CADM2: variants seen among roughly 807,000 people sequenced by gnomAD.
The protein encoded by CADM2 is cell adhesion molecule 2.
A neutral mutation model predicts 49.8 loss-of-function variants in CADM2; 12 were observed. That is an observed-to-expected ratio of 0.24 (90% confidence interval 0.15 to 0.39). The LOEUF is 0.39. Among genes scored for constraint, CADM2 ranks in the 10% least tolerant of loss-of-function variants. The pLI is 1.00. For synonymous variants in CADM2, 214 were observed against 175.4 expected, an observed-to-expected ratio of 1.22 and a Z score of -1.74; for missense variants, 378 against 492.3, an observed-to-expected ratio of 0.77 and a Z score of 2.20.
At chr3:85,989,130 A>G (rs1577876936) in intron 8 of CADM2, among the ~76,000 whole-genome samples, 2 of 152,276 alleles carry the variant, frequency 1.3e-5, no homozygotes, top group South Asian at 2.1e-4. Flanking sequence ...GTTACTCTGG[A>G]TGTCAGCAGG....
At chr3:85,859,433 T>TG (rs1404916264) in intron 3 of CADM2, among the ~76,000 whole-genome samples, 1 of 152,060 alleles carries the variant, frequency 6.6e-6, no homozygotes, top group Non-Finnish European at 1.5e-5. Context: ...GGTTTCACCA[T>TG]GTTGGCCAGG....
chr3:85,331,517 A>T (rs561906248), intron 1 of CADM2, among the ~76,000 whole-genome samples: 22 of 151,472 alleles, frequency 1.5e-4, no homozygotes, highest in South Asian at 4.2e-4. Flanking sequence ...TTGTCACTAA[A>T]AGTGACAATA....
chr3:84,992,493 G>A (rs188849546), intron 1 of CADM2, among the ~76,000 whole-genome samples: 1 of 152,166 alleles, frequency 6.6e-6, no homozygotes, highest in Admixed American at 6.5e-5. Context: ...TCTGGGCATG[G>A]TGGTGCACAA....
intron 1 of CADM2, among the ~76,000 whole-genome samples, chr3:85,178,834 A>C (rs1426147332): frequency 1.3e-5 from 2 of 151,782 alleles, no homozygotes; most frequent in Non-Finnish European, 3.0e-5. Flanking sequence ...TTTACTTCTG[A>C]AAGTTCTCTT....
chr3:85,567,053 G>T (rs2062285376), intron 1 of CADM2, among the ~76,000 whole-genome samples: 1 of 152,126 alleles, frequency 6.6e-6, no homozygotes, highest in African/African-American at 2.4e-5. Context: ...ACCTGGGTTT[G>T]AATCCAAAAT....
chr3:85,934,174 A>G (rs1314433684), intron 6 of CADM2, among the ~76,000 whole-genome samples: 2 of 152,086 alleles, frequency 1.3e-5, no homozygotes, highest in Non-Finnish European at 2.9e-5. Flanking sequence ...ATAATATGTC[A>G]TGGGGAAAAT....
intron 1 of CADM2, among the ~76,000 whole-genome samples, chr3:85,039,030 C>CAGAG (rs1007500445): frequency 6.7e-6 from 1 of 150,162 alleles, no homozygotes; most frequent in African/African-American, 2.4e-5. Context: ...CTTATAAACA[C>CAGAG]AGAGAGAGAG....
intron 1 of CADM2, among the ~76,000 whole-genome samples, chr3:85,477,789 C>G (rs551238909): frequency 4.5e-4 from 69 of 152,016 alleles, no homozygotes; most frequent in African/African-American, 1.6e-3. Context: ...GTACAACCAA[C>G]AAGTCAGATA....
chr3:85,179,153 G>T (rs1432320677), intron 1 of CADM2, among the ~76,000 whole-genome samples: 2 of 151,852 alleles, frequency 1.3e-5, no homozygotes, highest in African/African-American at 4.8e-5. Flanking sequence ...TATTGCTAAG[G>T]TGTTTGAATG....
At position 85,666,158 on chromosome 3, in the gene CADM2, A is replaced by G. The variant is rs143442976; in HGVS notation, c.62-60364A>G. Among the ~76,000 whole-genome samples, 939 of 152,178 alleles carry G rather than the reference A, an allele frequency of 6.2e-3. 12 individuals carry two copies. Among genetic ancestry groups the G allele is most frequent in the African/African-American group, 0.022 (904 of 41,540 alleles). ...CATTCACAATTTCTACAAACAGGAT[A>G]AAATACCTAGGAATACAACTTACAA... On this transcript the variant is annotated intron_variant, in intron 1 of 9. Coordinates refer to ENST00000383699, the MANE Select transcript of CADM2 (RefSeq NM_001167675.2).
chr3:85,286,102 G>T (rs2043626202), intron 1 of CADM2, among the ~76,000 whole-genome samples: 1 of 152,110 alleles, frequency 6.6e-6, no homozygotes, highest in Non-Finnish European at 1.5e-5. Context: ...GGGCATTCTT[G>T]TATAATCTGG....
intron 1 of CADM2, among the ~76,000 whole-genome samples, chr3:85,523,902 A>G (rs1000448371): frequency 2.6e-5 from 4 of 152,158 alleles, no homozygotes; most frequent in Non-Finnish European, 5.9e-5. Context: ...ATGCATTTGT[A>G]CACTGTAGCC....
chr3:85,572,245 C>G (rs13353478), intron 1 of CADM2, among the ~76,000 whole-genome samples: 1 of 151,958 alleles, frequency 6.6e-6, no homozygotes, highest in Non-Finnish European at 1.5e-5. Context: ...TGCAATTGTG[C>G]CACTGCTTTC....
intron 1 of CADM2, among the ~76,000 whole-genome samples, chr3:85,397,669 C>A (rs749678755): frequency 1.3e-5 from 2 of 152,002 alleles, no homozygotes; most frequent in African/African-American, 2.4e-5. Flanking sequence ...CATGAGTTAT[C>A]TAGAATAAAC....
intron 1 of CADM2, among the ~76,000 whole-genome samples, chr3:85,670,650 A>C (rs1438481907): frequency 1.3e-5 from 2 of 152,236 alleles, no homozygotes; most frequent in Non-Finnish European, 2.9e-5. Context: ...TAAACTTGAA[A>C]TGTTAACATA....
chr3:84,969,173 A>T (rs2031230714), intron 1 of CADM2, among the ~76,000 whole-genome samples: 1 of 151,994 alleles, frequency 6.6e-6, no homozygotes, highest in African/African-American at 2.4e-5. Flanking sequence ...GTCTTATGTC[A>T]TAAGAAAATG....
At chr3:85,380,677 G>A (rs2033853113) in intron 1 of CADM2, among the ~76,000 whole-genome samples, 1 of 151,734 alleles carries the variant, frequency 6.6e-6, no homozygotes, top group African/African-American at 2.4e-5. Flanking sequence ...ACCGTAACAT[G>A]TTCATATTTT....
intron 1 of CADM2, among the ~76,000 whole-genome samples, chr3:85,461,725 T>C (rs1337974216): frequency 6.6e-6 from 1 of 152,144 alleles, no homozygotes; most frequent in East Asian, 1.9e-4. Context: ...CAGAAAAGAA[T>C]CTTGCTAGAT....
chr3:85,988,492 A>C (rs1446261612), intron 8 of CADM2, among the ~76,000 whole-genome samples: 2 of 152,214 alleles, frequency 1.3e-5, no homozygotes, highest in African/African-American at 4.8e-5. Flanking sequence ...CTATTAAATG[A>C]TTGAGAAAAA....
Sources: gnomAD v4.1 joint callset for allele counts (sites outside exome capture counted in the v4.1 genomes callset) on GRCh38, gnomAD v4.1.1 for gene constraint, MANE v1.5 for transcripts, NCBI Gene and HGNC (gene_info 2026-07-23, HGNC 2026-07-21) for gene names.